Variants in HCRTR2 observed in about 807,000 individuals in gnomAD.
HCRTR2 encodes the protein hypocretin receptor 2, also known as orexin receptor type 2.
Under a neutral mutation model 49.0 loss-of-function variants are expected in HCRTR2, and 22 were observed. The ratio of observed to expected loss-of-function variants is 0.45; its 90% CI spans 0.32 to 0.64. HCRTR2 has a LOEUF of 0.64. HCRTR2 is among the 30% of genes least tolerant of loss of function. HCRTR2 has a pLI of 0.04. For synonymous variants in HCRTR2, 236 were observed against 205.3 expected, an observed-to-expected ratio of 1.15 and a Z score of -1.28; for missense variants, 491 against 559.4, an observed-to-expected ratio of 0.88 and a Z score of 1.23.
chr6:55,227,123 T>C (rs571654133), intron 1 of HCRTR2, among the ~76,000 whole-genome samples: 1 of 146,450 alleles, frequency 6.8e-6, no homozygotes, highest in Admixed American at 6.8e-5. Context: ...ACCCTTGCAG[T>C]ATTCTATGAT....
intron 3 of HCRTR2, among the ~76,000 whole-genome samples, chr6:55,258,772 G>A (rs1409059412): frequency 6.6e-6 from 1 of 152,114 alleles, no homozygotes; most frequent in East Asian, 1.9e-4. Flanking sequence ...GAAATTCTTT[G>A]CTGGGTGTGG....
chr6:55,121,110 T>C (rs1764192985), intron 1 of HCRTR2, among the ~76,000 whole-genome samples: 1 of 152,148 alleles, frequency 6.6e-6, no homozygotes, highest in Non-Finnish European at 1.5e-5. Flanking sequence ...TCCATGAACA[T>C]GGAATGTTCT....
chr6:55,265,855 T>G (rs1385838856), intron 4 of HCRTR2, among the ~76,000 whole-genome samples: 1 of 152,112 alleles, frequency 6.6e-6, no homozygotes, highest in Non-Finnish European at 1.5e-5. Context: ...TATAGCATCT[T>G]CCTCATAGGT....
chr6:55,232,263 A>G (rs962813709), intron 1 of HCRTR2, among the ~76,000 whole-genome samples: 1 of 152,162 alleles, frequency 6.6e-6, no homozygotes, highest in Admixed American at 6.6e-5. Context: ...AATTAATACA[A>G]TCTTTATATA....
intron 4 of HCRTR2, among the ~76,000 whole-genome samples, chr6:55,265,873 A>C (rs76577258): frequency 0.066 from 10,035 of 152,104 alleles, 506 homozygotes; most frequent in African/African-American, 0.14. Flanking sequence ...GGTTTGGTAC[A>C]TGCATTCAGG....
At chr6:55,125,943 G>C (rs180813236) in intron 1 of HCRTR2, among the ~76,000 whole-genome samples, 1 of 151,900 alleles carries the variant, frequency 6.6e-6, no homozygotes, top group South Asian at 2.1e-4. Flanking sequence ...CGAAGTTCTC[G>C]TGCTATGTTT....
chr6:55,217,013 G>A (rs1403147288), intron 1 of HCRTR2, among the ~76,000 whole-genome samples: 1 of 152,158 alleles, frequency 6.6e-6, no homozygotes, highest in Non-Finnish European at 1.5e-5. Context: ...TATGGCTTTT[G>A]CTTTCTGGAG....
At chr6:55,213,997 G>T (rs1765742043) in intron 1 of HCRTR2, among the ~76,000 whole-genome samples, 1 of 151,256 alleles carries the variant, frequency 6.6e-6, no homozygotes, top group African/African-American at 2.4e-5. Context: ...AAAAAAATGA[G>T]TTTTTACCAC....
intron 1 of HCRTR2, among the ~76,000 whole-genome samples, chr6:55,119,293 AC>A (rs1764162684): frequency 6.6e-6 from 1 of 151,814 alleles, no homozygotes; most frequent in African/African-American, 2.4e-5. Context: ...GTGGGTATAT[AC>A]CCGCTAATGG....
At chr6:55,219,679 T>G (rs1765853516) in intron 1 of HCRTR2, among the ~76,000 whole-genome samples, 1 of 151,714 alleles carries the variant, frequency 6.6e-6, no homozygotes, top group Non-Finnish European at 1.5e-5. Context: ...AGCCTAATGT[T>G]AGCAAAGAAA....
intron 1 of HCRTR2, among the ~76,000 whole-genome samples, chr6:55,108,157 T>A (rs1763999805): frequency 6.6e-6 from 1 of 152,146 alleles, no homozygotes; most frequent in Non-Finnish European, 1.5e-5. Context: ...TATATGATAA[T>A]CAGTGGTTTT....
At position 55,255,398 on chromosome 6, in the gene HCRTR2, A is replaced by G. The variant is rs1382891819; in HGVS notation, c.646+19A>G. ...TGGGGTGGTAAGTACCTTATGGCCC[A>G]TCAACTGACATTTATATTACAGCAG... On this transcript the variant is annotated intron_variant, in intron 3 of 6. Transcript: ENST00000370862. 1 of 1,613,668 alleles carries G rather than the reference A, an allele frequency of 6.2e-7. No homozygotes were observed. Among genetic ancestry groups the G allele is most frequent in the South Asian group, 1.1e-5 (1 of 91,072 alleles).
intron 1 of HCRTR2, among the ~76,000 whole-genome samples, chr6:55,147,249 A>G (rs1764607634): frequency 6.6e-6 from 1 of 152,134 alleles, no homozygotes; most frequent in Non-Finnish European, 1.5e-5. Flanking sequence ...AAAGTATAAT[A>G]TATACATTAA....
chr6:55,125,293 T>C (rs904732918), intron 1 of HCRTR2, among the ~76,000 whole-genome samples: 4 of 152,218 alleles, frequency 2.6e-5, no homozygotes, highest in Non-Finnish European at 5.9e-5. Context: ...CAGGAGCTCT[T>C]GTAAGGCAGG....
chr6:55,111,709 C>G (rs1299492791), intron 1 of HCRTR2, among the ~76,000 whole-genome samples: 2 of 151,984 alleles, frequency 1.3e-5, no homozygotes, highest in African/African-American at 4.8e-5. Context: ...CAACTGAATT[C>G]TATTAGAAAT....
At chr6:55,201,885 T>C (rs541717850) in intron 1 of HCRTR2, among the ~76,000 whole-genome samples, 1 of 152,324 alleles carries the variant, frequency 6.6e-6, no homozygotes, top group South Asian at 2.1e-4. Context: ...CTACTTACAT[T>C]GCTCAAATTT....
chr6:55,234,901 G>A (rs948452287), intron 1 of HCRTR2, among the ~76,000 whole-genome samples: 4 of 152,066 alleles, frequency 2.6e-5, no homozygotes, highest in African/African-American at 7.2e-5. Context: ...AAGAATGTTA[G>A]TAACAGCCCT....
chr6:55,213,993 A>G (rs1455618647), intron 1 of HCRTR2, among the ~76,000 whole-genome samples: 2 of 151,806 alleles, frequency 1.3e-5, no homozygotes, highest in African/African-American at 2.4e-5. Flanking sequence ...AAAAAAAAAA[A>G]TGAGTTTTTA....
At chr6:55,162,064 T>C (rs1368146847) in intron 1 of HCRTR2, among the ~76,000 whole-genome samples, 1 of 152,180 alleles carries the variant, frequency 6.6e-6, no homozygotes, top group African/African-American at 2.4e-5. Context: ...ATATCCCTGA[T>C]TAACACCGAC....
Sources: gnomAD v4.1 joint callset for allele counts (sites outside exome capture counted in the v4.1 genomes callset) on GRCh38, gnomAD v4.1.1 for gene constraint, MANE v1.5 for transcripts, NCBI Gene and HGNC (gene_info 2026-07-23, HGNC 2026-07-21) for gene names.